L3MBTL4: variants seen among roughly 807,000 people sequenced by gnomAD.
L3MBTL4 encodes the protein L3MBTL histone methyl-lysine binding protein 4, also known as lethal(3)malignant brain tumor-like protein 4.
L3MBTL4 carries 70 observed loss-of-function variants against 84.5 expected under a neutral mutation model. That is an observed-to-expected ratio of 0.83 (90% CI 0.68 to 1.01). The LOEUF (loss-of-function observed/expected upper bound fraction) is 1.01, where lower values mean the gene tolerates loss of function less well. Among genes scored for constraint, L3MBTL4 ranks in the 50% least tolerant of loss-of-function variants. The pLI, the probability that L3MBTL4 is intolerant of heterozygous loss-of-function variation, is 0.00. For missense variants in L3MBTL4, 715 were observed against 754.8 expected, an observed-to-expected ratio of 0.95 and a Z score of 0.62; for synonymous variants, 274 against 259.8, an observed-to-expected ratio of 1.05 and a Z score of -0.52.
intron 16 of L3MBTL4, among the ~76,000 whole-genome samples, chr18:6,014,269 C>A (rs1333844467): frequency 6.6e-6 from 1 of 152,162 alleles, no homozygotes; most frequent in East Asian, 1.9e-4. Flanking sequence ...ATTTCACCTA[C>A]CACTGATGAA....
At position 6,011,743 on chromosome 18, in the gene L3MBTL4, G is replaced by C. The variant is rs186016245; in HGVS notation, c.1445-42181C>G. Among the ~76,000 whole-genome samples, 4 of 152,260 alleles carry C rather than the reference G, an allele frequency of 2.6e-5. No individual in the cohort carries two copies. In the East Asian group the frequency reaches 5.8e-4, roughly 22 times the overall value. ...AATCAGACCAGCTCAAAGGAAACAC[G>C]GTGGCTTTTAGGCATACAACAGACC... On this transcript the variant is annotated intron_variant, in intron 16 of 18. Coordinates refer to ENST00000317931, the MANE Select transcript of L3MBTL4 (RefSeq NM_001330559.2).
chr18:6,336,992 A>G (rs2143364535), intron 1 of L3MBTL4, among the ~76,000 whole-genome samples: 2 of 152,344 alleles, frequency 1.3e-5, no homozygotes, highest in Middle Eastern at 6.8e-3. Context: ...TGGAAATTCT[A>G]GAACTGGAAA....
chr18:6,024,396 C>T (rs1324937124), intron 16 of L3MBTL4, among the ~76,000 whole-genome samples: 1 of 152,210 alleles, frequency 6.6e-6, no homozygotes, highest in Non-Finnish European at 1.5e-5. Context: ...TCTTTTGCAG[C>T]TATCTTTGTA....
At chr18:6,358,209 TTA>T (rs1390036249) in intron 1 of L3MBTL4, among the ~76,000 whole-genome samples, 2 of 152,352 alleles carry the variant, frequency 1.3e-5, no homozygotes, top group East Asian at 3.9e-4. Flanking sequence ...CGGGTCTAAC[TTA>T]CACTTTACTA....
At chr18:6,063,364 G>A (rs2057299425) in intron 16 of L3MBTL4, among the ~76,000 whole-genome samples, 2 of 147,808 alleles carry the variant, frequency 1.4e-5, no homozygotes, top group Admixed American at 1.4e-4. Flanking sequence ...TGACTTATTT[G>A]CCTTTGGGTA....
chr18:6,276,715 A>G (rs540929848), intron 4 of L3MBTL4, among the ~76,000 whole-genome samples: 1 of 152,240 alleles, frequency 6.6e-6, no homozygotes, highest in East Asian at 1.9e-4. Flanking sequence ...AAGACAGACA[A>G]TAAACAAGAC....
intron 3 of L3MBTL4, among the ~76,000 whole-genome samples, chr18:6,307,173 C>T (rs1480503511): frequency 6.6e-6 from 1 of 152,040 alleles, no homozygotes; most frequent in Non-Finnish European, 1.5e-5. Context: ...TGGCTCACAC[C>T]TGTATTCCCA....
intron 3 of L3MBTL4, among the ~76,000 whole-genome samples, chr18:6,311,063 T>C (rs1414014908): frequency 6.6e-6 from 1 of 152,072 alleles, no homozygotes; most frequent in Non-Finnish European, 1.5e-5. Flanking sequence ...CCCTGCATAT[T>C]TCAGACGTGT....
rs530335558 is a variant in L3MBTL4, at chr18:5,969,441, G to T, written c.1566C>A (p.Gly522=). Residue 522 remains glycine, a synonymous_variant, in exon 17 of 19, where the codon GGC becomes GGA. Transcript: ENST00000317931. ...CTTGGCTGGCCCGGATGTCAGCCAC[G>T]CCTGGAAGCAACTTGCAGTGTTGCT... ...GREQHCKLLP[G]VADIRASQVA... is the part of the protein sequence containing the mutation. The T allele has an allele frequency of 4.5e-5, 72 of 1,613,742 alleles. No individual in the cohort carries two copies. In the South Asian group the frequency reaches 7.2e-4, roughly 16 times the overall value.
rs139663635 is a variant in L3MBTL4, at chr18:6,183,561, T to C, written c.982-11619A>G. Among the ~76,000 whole-genome samples the C allele has an allele frequency of 1.2e-4, 18 of 152,294 alleles. No homozygotes were observed. In the East Asian group the frequency reaches 2.3e-3, roughly 20 times the overall value. ...TTCTGAATTTCCACCTTGGATCCTA[T>C]AGCAAATCATCACAGTTTTTCTACT... On this transcript the variant is annotated intron_variant, in intron 12 of 18. Transcript: ENST00000317931.
chr18:5,958,122 AAG>A (rs2095241901), intron 18 of L3MBTL4, among the ~76,000 whole-genome samples: 1 of 49,140 alleles, frequency 2.0e-5, no homozygotes, highest in Non-Finnish European at 4.1e-5. Flanking sequence ...GAAGAAGAAG[AAG>A]AAGAAAAAGA....
intron 16 of L3MBTL4, chr18:6,080,257 G>T (rs544449917): frequency 6.6e-6 from 1 of 152,378 alleles, no homozygotes; most frequent in South Asian, 2.1e-4. Flanking sequence ...AAGGCTGCAG[G>T]TGGGCTAATA....
In L3MBTL4 at chr18:6,064,376, T is replaced by C. The variant is rs569944914; in HGVS notation, c.1444+16505A>G. On this transcript the variant is annotated intron_variant, in intron 16 of 18. Coordinates refer to ENST00000317931, the MANE Select transcript of L3MBTL4 (RefSeq NM_001330559.2). ...CATTCCATATGAATTTTAGAATGGG[T>C]TTTTCTAGTTCTGTAAAGAATGATG... Among the ~76,000 whole-genome samples the C allele has an allele frequency of 5.9e-5, 9 of 152,214 alleles. No individual in the cohort carries two copies. The South Asian group carries it at 1.5e-3, about 25-fold the overall frequency.
intron 13 of L3MBTL4, among the ~76,000 whole-genome samples, chr18:6,170,865 C>T (rs1357430576): frequency 6.6e-6 from 1 of 152,060 alleles, no homozygotes; most frequent in Non-Finnish European, 1.5e-5. Flanking sequence ...TACTTGGAGT[C>T]CCCCATATGG....
chr18:6,146,145 G>C (rs200092464), intron 13 of L3MBTL4, among the ~76,000 whole-genome samples: 5 of 152,222 alleles, frequency 3.3e-5, no homozygotes, highest in Admixed American at 3.3e-4. Context: ...GTTTATTCTG[G>C]GTTGGCTGGG....
At chr18:6,325,102 C>T (rs943945538) in intron 1 of L3MBTL4, among the ~76,000 whole-genome samples, 2 of 152,048 alleles carry the variant, frequency 1.3e-5, no homozygotes, top group African/African-American at 2.4e-5. Flanking sequence ...TCAGCATGAA[C>T]TTGAAAGTTG....
At chr18:6,225,066 C>T (rs146806728) in intron 10 of L3MBTL4, among the ~76,000 whole-genome samples, 3 of 152,212 alleles carry the variant, frequency 2.0e-5, no homozygotes, top group African/African-American at 4.8e-5. Context: ...TAGGGGGGAG[C>T]GTTCCCATTT....
chr18:6,044,315 C>G (rs1397882286), intron 16 of L3MBTL4, among the ~76,000 whole-genome samples: 1 of 152,200 alleles, frequency 6.6e-6, no homozygotes, highest in Non-Finnish European at 1.5e-5. Context: ...TCGATGATTC[C>G]TTACCCTCTG....
intron 14 of L3MBTL4, among the ~76,000 whole-genome samples, chr18:6,125,292 T>C (rs1256317367): frequency 6.6e-6 from 1 of 152,140 alleles, no homozygotes; most frequent in Non-Finnish European, 1.5e-5. Flanking sequence ...ATAAAGCAAA[T>C]TGGCATATGT....
Sources: allele counts gnomAD v4.1 joint callset (sites outside exome capture counted in the v4.1 genomes callset), GRCh38; gene constraint gnomAD v4.1.1; transcripts MANE v1.5; gene names NCBI Gene and HGNC (gene_info 2026-07-23, HGNC 2026-07-21).